Variants in KIF18A observed in about 807,000 individuals in gnomAD.
KIF18A encodes the protein kinesin family member 18A.
A neutral mutation model predicts 103.3 loss-of-function variants in KIF18A; 67 were observed. The ratio of observed to expected loss-of-function variants is 0.65; its 90% CI spans 0.53 to 0.79. The LOEUF (loss-of-function observed/expected upper bound fraction) is 0.79. Among genes scored for constraint, KIF18A ranks in the 30% least tolerant of loss-of-function variants. The pLI, the probability that KIF18A is intolerant of heterozygous loss-of-function variation, is 0.00. For synonymous variants in KIF18A, 367 were observed against 355.5 expected, an observed-to-expected ratio of 1.03 and a Z score of -0.36; for missense variants, 1,032 against 1,062.5, an observed-to-expected ratio of 0.97 and a Z score of 0.40.
Position 28,041,563 on chromosome 11 carries a change from T to A in KIF18A, c.1949-4899A>T, listed in dbSNP as rs538359842. ...GATTTATGGACAAGACAAGGGTTTTTATTTATTCCAAGTGTAAAGGGAGAT... is the reference window on the plus strand; with the variant it reads ...GATTTATGGACAAGACAAGGGTTTTAATTTATTCCAAGTGTAAAGGGAGAT... On this transcript the variant is annotated intron_variant, in intron 13 of 16. Transcript: ENST00000263181. Among the ~76,000 whole-genome samples, 11 of 151,942 alleles carry A rather than the reference T, an allele frequency of 7.2e-5. No homozygotes were observed. The South Asian group carries it at 2.3e-3, about 32-fold the overall frequency.
At chr11:28,060,873 A>G (rs1310080684) in intron 12 of KIF18A, among the ~76,000 whole-genome samples, 3 of 152,240 alleles carry the variant, frequency 2.0e-5, no homozygotes, top group Non-Finnish European at 4.4e-5. Flanking sequence ...TCCAAAGCAG[A>G]GAACATTTCA....
intron 11 of KIF18A, among the ~76,000 whole-genome samples, chr11:28,063,515 T>A: frequency 6.6e-6 from 1 of 151,992 alleles, no homozygotes; most frequent in East Asian, 1.9e-4. Context: ...TTCCTAAGCC[T>A]CATCTGTCTA....
intron 15 of KIF18A, among the ~76,000 whole-genome samples, chr11:28,033,142 C>G (rs1053008355): frequency 6.6e-6 from 1 of 151,612 alleles, no homozygotes; most frequent in African/African-American, 2.4e-5. Flanking sequence ...AAATGTAAAT[C>G]AAAACTACAA....
At chr11:28,056,207 C>A in intron 13 of KIF18A, among the ~76,000 whole-genome samples, 1 of 150,152 alleles carries the variant, frequency 6.7e-6, no homozygotes. Context: ...GATGCAGAAC[C>A]CATGGAATAT....
chr11:28,070,338 T>C (rs1850997102), intron 10 of KIF18A, among the ~76,000 whole-genome samples: 1 of 152,236 alleles, frequency 6.6e-6, no homozygotes, highest in Non-Finnish European at 1.5e-5. Flanking sequence ...TAGAAAAATA[T>C]GGTTATCTTC....
chr11:28,089,376 T>C (rs1229202953), intron 5 of KIF18A, among the ~76,000 whole-genome samples: 1 of 152,156 alleles, frequency 6.6e-6, no homozygotes, highest in African/African-American at 2.4e-5. Context: ...AGACTGCTTT[T>C]GGGGTAATAA....
At chr11:28,082,803 C>A in intron 9 of KIF18A, 53 bp downstream of exon 9, 1 of 1,133,442 alleles carries the variant, frequency 8.8e-7, no homozygotes. Context: ...AAATACTTAA[C>A]AAAATTTTAA....
At chr11:28,051,516 G>A (rs1258123090) in intron 13 of KIF18A, among the ~76,000 whole-genome samples, 2 of 151,844 alleles carry the variant, frequency 1.3e-5, no homozygotes, top group African/African-American at 2.4e-5. Context: ...CATAAATTAG[G>A]AGAAAGTGGA....
intron 10 of KIF18A, among the ~76,000 whole-genome samples, chr11:28,074,982 G>A (rs1441293557): frequency 5.9e-5 from 9 of 152,040 alleles, no homozygotes; most frequent in East Asian, 1.9e-4. Context: ...TTGGTGCTCC[G>A]TAGTTTCACA....
intron 9 of KIF18A, among the ~76,000 whole-genome samples, chr11:28,077,706 T>C (rs1037855668): frequency 1.3e-5 from 2 of 152,128 alleles, no homozygotes; most frequent in African/African-American, 4.8e-5. Flanking sequence ...CAGAATTTGT[T>C]ATAGTGAAAA....
chr11:28,022,563 G>T (rs895285722), intron 16 of KIF18A, among the ~76,000 whole-genome samples: 3 of 152,106 alleles, frequency 2.0e-5, no homozygotes, highest in Admixed American at 6.6e-5. Context: ...CACGGCGCCC[G>T]GCCAATTTGA....
chr11:28,080,128 T>C (rs1365933944), intron 9 of KIF18A, among the ~76,000 whole-genome samples: 3 of 152,088 alleles, frequency 2.0e-5, no homozygotes, highest in East Asian at 3.9e-4. Flanking sequence ...AAGAACAATA[T>C]GAGCGCCACT....
chr11:28,097,803 C>G lies in KIF18A; in HGVS notation c.145G>C (p.Glu49Gln), dbSNP rs1216452088. The stretch of plus-strand genomic sequence containing the variant: ...TTTCCATGGAAAAAACTGACTTCTT[C>G]TTGTTTGGGATCAAAAACTAGGATA... ...KHILVFDPKQEEVSFFHGKKT... is the reference protein window; with the variant it reads ...KHILVFDPKQQEVSFFHGKKT... Residue 49 changes from glutamate (E) to glutamine (Q), a missense_variant, in exon 2 of 17, where the codon GAA (glutamate) becomes CAA (glutamine). Transcript: ENST00000263181. 2.5e-6 allele frequency: 4 copies of G among 1,613,204 alleles called. No homozygotes were observed. The highest frequency in any genetic ancestry group is 1.3e-5 in the African/African-American group (1 of 74,850).
rs564237298 is a variant in KIF18A at position 28,034,571 on chromosome 11, C to T, written c.2504+816G>A. Among the ~76,000 whole-genome samples, 52 of 151,788 alleles carry T rather than the reference C, an allele frequency of 3.4e-4. 1 individual carries two copies. Among genetic ancestry groups the T allele is most frequent in the Middle Eastern group, 3.4e-3 (1 of 294 alleles). On this transcript the variant is annotated intron_variant, in intron 15 of 16. Coordinates refer to ENST00000263181, the MANE Select transcript of KIF18A (RefSeq NM_031217.4). ...ATCAAAACTCTGCTTAATACTTTAG[C>T]CTCTTAGCAGCTACTTTCAGCTAGG...
At chr11:28,102,927 A>C (rs1419347744) in intron 1 of KIF18A, among the ~76,000 whole-genome samples, 1 of 152,180 alleles carries the variant, frequency 6.6e-6, no homozygotes, top group Non-Finnish European at 1.5e-5. Context: ...GAGAGAGTAA[A>C]TTCTTCAACC....
rs186287076 is a variant in KIF18A, at chr11:28,042,610, A to G, written c.1949-5946T>C. Reference sequence around the variant, plus strand: ...CATATTAGAATCTTTTCTTTTTGATAGGGAAGGAATTTAGAAAGACACTGG... The same window carrying G: ...CATATTAGAATCTTTTCTTTTTGATGGGGAAGGAATTTAGAAAGACACTGG... On this transcript the variant is annotated intron_variant, in intron 13 of 16. Coordinates refer to ENST00000263181, the MANE Select transcript of KIF18A (RefSeq NM_031217.4). Among the ~76,000 whole-genome samples, 64 of 152,042 alleles carry G rather than the reference A, an allele frequency of 4.2e-4. 1 individual carries two copies. In the East Asian group the frequency reaches 0.012, roughly 29 times the overall value.
At position 28,090,668 on chromosome 11, in the gene KIF18A, TTG is replaced by T. The variant is rs1306673833; in HGVS notation, c.646_647del (p.Gln216ThrfsTer4). 6.2e-7 allele frequency: 1 copy of T among 1,611,168 alleles called. No homozygotes were observed. The highest frequency in any genetic ancestry group is 8.5e-7 in the Non-Finnish European group (1 of 1,178,070). On this transcript the variant is annotated frameshift_variant, in exon 5 of 17. Coordinates refer to ENST00000263181, the MANE Select transcript of KIF18A (RefSeq NM_031217.4). LOFTEE classifies it high-confidence loss of function. ...ATGTGGCATTCATATCAGTGGGATGTTGTGTCCTGTTTTTGTTTCCATTATCC... is the reference window on the plus strand; with the variant it reads ...ATGTGGCATTCATATCAGTGGGATGTTGTCCTGTTTTTGTTTCCATTATCC... ...LLDNGNKNRT[Q>X]HPTDMNATSS...
rs991708929 is a variant in KIF18A at position 28,090,515 on chromosome 11, T to C, written c.699+102A>G. The C allele has an allele frequency of 2.0e-5, 14 of 706,658 alleles. 1 individual carries two copies. The highest frequency in any genetic ancestry group is 3.7e-5 in the South Asian group (2 of 53,398). 43.8% of individuals were successfully genotyped at this position (706,658 alleles called of 1,614,324 possible). ...AAGGAAAGTACTGACAAGTGAAGTCTACAGACAGATTTTTTTCACATGTAT... is the reference window on the plus strand; with the variant it reads ...AAGGAAAGTACTGACAAGTGAAGTCCACAGACAGATTTTTTTCACATGTAT... On this transcript the variant is annotated intron_variant, in intron 5 of 16. Coordinates refer to ENST00000263181, the MANE Select transcript of KIF18A (RefSeq NM_031217.4).
chr11:28,066,863 T>C (rs1850937008), intron 11 of KIF18A, among the ~76,000 whole-genome samples: 1 of 150,302 alleles, frequency 6.7e-6, no homozygotes, highest in South Asian at 2.1e-4. Context: ...GTTAACTATG[T>C]ACACTTTTCT....
Sources: allele counts gnomAD v4.1 joint callset (sites outside exome capture counted in the v4.1 genomes callset), GRCh38; gene constraint gnomAD v4.1.1; transcripts MANE v1.5; gene names NCBI Gene and HGNC (gene_info 2026-07-23, HGNC 2026-07-21).